PLEKHG7: variants seen among roughly 807,000 people sequenced by gnomAD.
The protein encoded by PLEKHG7 is pleckstrin homology domain-containing family G member 7.
A neutral mutation model predicts 85.2 loss-of-function variants in PLEKHG7; 77 were observed. The observed-to-expected ratio is 0.90, with a 90% CI of 0.75 to 1.09. The LOEUF (loss-of-function observed/expected upper bound fraction) is 1.09, where lower values mean the gene tolerates loss of function less well. Ranked by LOEUF, PLEKHG7 falls within the 50% of genes least tolerant of loss-of-function variation. PLEKHG7 has a pLI of 0.00. For missense variants in PLEKHG7, 777 were observed against 804.3 expected, an observed-to-expected ratio of 0.97 and a Z score of 0.41; for synonymous variants, 301 against 302.4, an observed-to-expected ratio of 1.00 and a Z score of 0.05.
chr12:92,769,212 G>C, intron 16 of PLEKHG7, 132 bp downstream of exon 16: 1 of 632,284 alleles, frequency 1.6e-6, no homozygotes, highest in East Asian at 2.9e-5. Flanking sequence ...GATTTGGGAG[G>C]AGGGGAGGGG....
intron 5 of PLEKHG7, among the ~76,000 whole-genome samples, chr12:92,735,731 G>A (rs1052823070): frequency 3.3e-5 from 5 of 152,134 alleles, no homozygotes; most frequent in Non-Finnish European, 5.9e-5. Flanking sequence ...TAAAAAGCAA[G>A]TTGCAAAAGG....
At chr12:92,735,647 CTT>C (rs1872123894) in intron 5 of PLEKHG7, among the ~76,000 whole-genome samples, 1 of 152,162 alleles carries the variant, frequency 6.6e-6, no homozygotes, top group Non-Finnish European at 1.5e-5. Context: ...AAAATGAACT[CTT>C]TAAGTGGGCA....
intron 9 of PLEKHG7, among the ~76,000 whole-genome samples, chr12:92,742,266 C>T (rs543820819): frequency 2.0e-5 from 3 of 152,096 alleles, no homozygotes; most frequent in South Asian, 2.1e-4. Context: ...ATTAAACAAG[C>T]GCCTTGCTTT....
chr12:92,761,620 AAAGAAG>A lies in PLEKHG7; in HGVS notation c.1637-129_1637-124del, dbSNP rs1307968930. Reference sequence around the variant, plus strand: ...AAGAAAGAAAGAAAAAGAAAGAAAGAAAGAAGAAAGAAAGAAAGAAAGAAAGAAAGA... The same window carrying A: ...AAGAAAGAAAGAAAAAGAAAGAAAGAAAAGAAAGAAAGAAAGAAAGAAAGA... On this transcript the variant is annotated intron_variant, in intron 13 of 16. Coordinates refer to ENST00000344636, the MANE Select transcript of PLEKHG7 (RefSeq NM_001377329.1). 7 of 1,039,166 alleles carry A rather than the reference AAAGAAG, an allele frequency of 6.7e-6. No homozygotes were observed. The African/African-American group carries it at 9.8e-5, about 14-fold the overall frequency. The allele number at this position is 1,039,166 out of a possible 1,614,324, so 64.4% of individuals were successfully genotyped here.
intron 4 of PLEKHG7, among the ~76,000 whole-genome samples, chr12:92,731,466 G>T (rs559232359): frequency 6.6e-6 from 1 of 152,198 alleles, no homozygotes; most frequent in Non-Finnish European, 1.5e-5. Context: ...AGAGATGGAC[G>T]TATAAGACAT....
intron 13 of PLEKHG7, 71 bp downstream of exon 13, chr12:92,756,462 G>A (rs1872836164): frequency 1.7e-6 from 2 of 1,185,462 alleles, no homozygotes; most frequent in Admixed American, 3.4e-5. Context: ...GCCAGTAATT[G>A]AAGAGCAGGA....
chr12:92,722,757 T>G (rs1451787477), intron 3 of PLEKHG7, among the ~76,000 whole-genome samples: 1 of 152,224 alleles, frequency 6.6e-6, no homozygotes, highest in African/African-American at 2.4e-5. Context: ...TCATTTATGT[T>G]CCAGAACGGA....
rs1565789471 is a variant in PLEKHG7 at position 92,727,967 on chromosome 12, T to TATAA, written c.531-1023_531-1022insAATA. On this transcript the variant is annotated intron_variant, in intron 3 of 16. Coordinates refer to ENST00000344636, the MANE Select transcript of PLEKHG7 (RefSeq NM_001377329.1). ...GTGTGTGTGTGTGTGTGTGTGTATA[T>TATAA]ATATATATACACATATATACACACA... Among the ~76,000 whole-genome samples the TATAA allele has an allele frequency of 1.8e-3, 249 of 141,872 alleles. 14 individuals are homozygous for TATAA. Among genetic ancestry groups the TATAA allele is most frequent in the African/African-American group, 6.9e-3 (234 of 33,936 alleles). The allele number at this position is 141,872 out of a possible 152,430, so 93.1% of individuals were successfully genotyped here.
chr12:92,737,739 G>GGGAGGGAGGGAGGAAGGAAGGGAGGGAA (rs1872207925), intron 7 of PLEKHG7, among the ~76,000 whole-genome samples: 7 of 126,560 alleles, frequency 5.5e-5, no homozygotes, highest in African/African-American at 2.1e-4. Flanking sequence ...GAGGGAGGAA[G>GGGAGGGAGGGAGGAAGGAAGGGAGGGAA]GGAGGGAGGG....
intron 10 of PLEKHG7, among the ~76,000 whole-genome samples, chr12:92,747,049 C>T (rs1008176217): frequency 2.6e-5 from 4 of 152,048 alleles, no homozygotes; most frequent in East Asian, 1.9e-4. Flanking sequence ...TTAAACTAAA[C>T]GGCTCCTGCA....
rs951642520 is a variant in PLEKHG7, at chr12:92,770,442, G to A, written c.*247G>A. The A allele has an allele frequency of 1.5e-5, 6 of 391,444 alleles. No individual in the cohort carries two copies. Among genetic ancestry groups the A allele is most frequent in the East Asian group, 5.6e-5 (1 of 17,874 alleles). The allele number at this position is 391,444 out of a possible 1,614,324, so 24.2% of individuals were successfully genotyped here. ...ATCCAGATTACCTTCTAATGCTTCC[G>A]TCAGGTTTGTAAGAGGTGTGAGTGA... On this transcript the variant is annotated 3_prime_UTR_variant, in exon 17 of 17. Coordinates refer to ENST00000344636, the MANE Select transcript of PLEKHG7 (RefSeq NM_001377329.1).
At chr12:92,765,155 C>A (rs768471926) in intron 15 of PLEKHG7, among the ~76,000 whole-genome samples, 1 of 152,082 alleles carries the variant, frequency 6.6e-6, no homozygotes, top group Non-Finnish European at 1.5e-5. Flanking sequence ...AACAACAGTA[C>A]CAAATACTTA....
At chr12:92,709,018 T>C (rs967628030) in intron 3 of PLEKHG7, among the ~76,000 whole-genome samples, 1 of 152,114 alleles carries the variant, frequency 6.6e-6, no homozygotes, top group East Asian at 1.9e-4. Flanking sequence ...GAAAAAAAAA[T>C]TATGTTTAGA....
At chr12:92,739,163 C>A (rs779448051) in intron 7 of PLEKHG7, among the ~76,000 whole-genome samples, 2 of 152,254 alleles carry the variant, frequency 1.3e-5, no homozygotes, top group Non-Finnish European at 2.9e-5. Context: ...TATCCTTGAG[C>A]TAATGGCCAG....
intron 9 of PLEKHG7, among the ~76,000 whole-genome samples, chr12:92,743,508 G>A (rs1319221184): frequency 6.6e-6 from 1 of 151,036 alleles, no homozygotes; most frequent in Non-Finnish European, 1.5e-5. Flanking sequence ...TAGCCAATGG[G>A]TGATAGAACT....
chr12:92,760,565 G>T (rs1048746347), intron 13 of PLEKHG7, among the ~76,000 whole-genome samples: 5 of 151,770 alleles, frequency 3.3e-5, no homozygotes, highest in Non-Finnish European at 5.9e-5. Flanking sequence ...AAATTTACTG[G>T]GTTTTCCTAT....
chr12:92,750,795 C>T (rs558084365), intron 10 of PLEKHG7, among the ~76,000 whole-genome samples: 1 of 152,256 alleles, frequency 6.6e-6, no homozygotes, highest in East Asian at 1.9e-4. Flanking sequence ...TCCCTGCCAA[C>T]CTCAATGAGA....
intron 10 of PLEKHG7, among the ~76,000 whole-genome samples, chr12:92,750,600 G>A (rs1411411744): frequency 6.6e-6 from 1 of 152,202 alleles, no homozygotes; most frequent in Non-Finnish European, 1.5e-5. Flanking sequence ...TGGGAGGACA[G>A]GGGCCTAACT....
At chr12:92,756,836 T>C (rs1872849018) in intron 13 of PLEKHG7, among the ~76,000 whole-genome samples, 1 of 152,196 alleles carries the variant, frequency 6.6e-6, no homozygotes. Context: ...ACTCATTCTG[T>C]ATAATTCTTT....
Sources: allele counts gnomAD v4.1 joint callset (sites outside exome capture counted in the v4.1 genomes callset), GRCh38; gene constraint gnomAD v4.1.1; transcripts MANE v1.5; gene names NCBI Gene and HGNC (gene_info 2026-07-23, HGNC 2026-07-21).